SLC7A8: variants seen among roughly 807,000 people sequenced by gnomAD.
The protein encoded by SLC7A8 is large neutral amino acids transporter small subunit 2.
Under a neutral mutation model 51.2 loss-of-function variants are expected in SLC7A8, and 30 were observed. The ratio of observed to expected loss-of-function variants is 0.59; its 90% confidence interval spans 0.44 to 0.80. SLC7A8 has a LOEUF of 0.80. Ranked by LOEUF, SLC7A8 falls within the 30% of genes least tolerant of loss-of-function variation. SLC7A8 has a pLI of 0.00. For missense variants in SLC7A8, 612 were observed against 674.4 expected, an observed-to-expected ratio of 0.91 and a Z score of 1.03; for synonymous variants, 257 against 275.8, an observed-to-expected ratio of 0.93 and a Z score of 0.67.
chr14:23,138,287 G>A (rs2048710092), intron 6 of SLC7A8: 4 of 422,180 alleles, frequency 9.5e-6, no homozygotes, highest in Non-Finnish European at 1.7e-5. Flanking sequence ...TGTTTTATGG[G>A]TGAGGAACTG....
At chr14:23,162,272 G>C (rs2048928174) in intron 3 of SLC7A8, among the ~76,000 whole-genome samples, 1 of 152,184 alleles carries the variant, frequency 6.6e-6, no homozygotes, top group Non-Finnish European at 1.5e-5. Context: ...AAGGGACACT[G>C]CAGCGGGACA....
intron 3 of SLC7A8, among the ~76,000 whole-genome samples, chr14:23,154,883 C>T (rs1449391466): frequency 6.7e-6 from 1 of 150,272 alleles, no homozygotes; most frequent in African/African-American, 2.5e-5. Flanking sequence ...AGTCCTTCCG[C>T]ACCTGGATTA....
chr14:23,176,120 C>T (rs2048997880), intron 1 of SLC7A8, among the ~76,000 whole-genome samples: 1 of 152,204 alleles, frequency 6.6e-6, no homozygotes, highest in Non-Finnish European at 1.5e-5. Flanking sequence ...CTCCCTCCCT[C>T]TGGTCAACAT....
chr14:23,154,392 C>A, intron 3 of SLC7A8: 1 of 997,418 alleles, frequency 1.0e-6, no homozygotes. Flanking sequence ...GGTGCCCAGG[C>A]TGGAGGTTGG....
At chr14:23,174,943 A>G (rs1159369735) in intron 1 of SLC7A8, among the ~76,000 whole-genome samples, 1 of 152,128 alleles carries the variant, frequency 6.6e-6, no homozygotes. Context: ...GATCATTTGC[A>G]TGTGCCTGCT....
intron 7 of SLC7A8, among the ~76,000 whole-genome samples, chr14:23,132,675 G>A (rs1233329432): frequency 7.4e-6 from 1 of 134,808 alleles, no homozygotes; most frequent in Admixed American, 7.6e-5. Flanking sequence ...CACTCTTGTT[G>A]CCCAGGCTGG....
chr14:23,155,783 A>G (rs950002888), intron 3 of SLC7A8, among the ~76,000 whole-genome samples: 4 of 151,770 alleles, frequency 2.6e-5, no homozygotes, highest in Admixed American at 6.6e-5. Context: ...CAGGAGGGCT[A>G]GCCTGACCCT....
intron 1 of SLC7A8, among the ~76,000 whole-genome samples, chr14:23,176,743 A>T (rs1021549329): frequency 1.3e-5 from 2 of 152,076 alleles, no homozygotes; most frequent in African/African-American, 4.8e-5. Flanking sequence ...GGAGTTCGAG[A>T]CTAGCCTGGC....
At chr14:23,182,424 C>A (rs567224323) in intron 1 of SLC7A8, among the ~76,000 whole-genome samples, 23 of 152,306 alleles carry the variant, frequency 1.5e-4, no homozygotes, top group Admixed American at 3.3e-4. Flanking sequence ...GTCCCTCAGT[C>A]CCTCCTTAAA....
chr14:23,178,881 T>A lies in SLC7A8; in HGVS notation c.151+3883A>T, dbSNP rs995978963. Among the ~76,000 whole-genome samples the A allele has an allele frequency of 2.5e-5, 3 of 118,874 alleles. No homozygotes were observed. The Admixed American group carries it at 2.7e-4, about 11-fold the overall frequency. The allele number at this position is 118,874 out of a possible 152,430, so 78.0% of individuals were successfully genotyped here. On this transcript the variant is annotated intron_variant, in intron 1 of 10. Coordinates refer to ENST00000316902, the MANE Select transcript of SLC7A8 (RefSeq NM_012244.4). Reference sequence around the variant, plus strand: ...GCCTGGTTAACAGAGTGAGATCTTGTCTCCAAAAAAAAAAAAAAAAAAAAA... The same window carrying A: ...GCCTGGTTAACAGAGTGAGATCTTGACTCCAAAAAAAAAAAAAAAAAAAAA...
In SLC7A8 at chr14:23,182,985, G is replaced by A; in HGVS notation, c.-71C>T. On this transcript the variant is annotated 5_prime_UTR_variant, in exon 1 of 11. Coordinates refer to ENST00000316902, the MANE Select transcript of SLC7A8 (RefSeq NM_012244.4). Reference sequence around the variant, plus strand: ...ATGCGTATTCGTGTAAATATATTGGGAGAGAGCTTTGAATTAGAACGTCCT... The same window carrying A: ...ATGCGTATTCGTGTAAATATATTGGAAGAGAGCTTTGAATTAGAACGTCCT... The A allele has an allele frequency of 6.3e-7, 1 of 1,598,126 alleles. No homozygotes were observed. Among genetic ancestry groups the A allele is most frequent in the Non-Finnish European group, 8.6e-7 (1 of 1,168,246 alleles).
intron 1 of SLC7A8, among the ~76,000 whole-genome samples, chr14:23,171,814 C>T (rs769354762): frequency 6.6e-6 from 1 of 152,210 alleles, no homozygotes; most frequent in Non-Finnish European, 1.5e-5. Context: ...CACCATGCCT[C>T]TCACCCTGTT....
At chr14:23,138,136 C>T (rs2048708443) in intron 6 of SLC7A8, 112 bp from the exon 7 acceptor site, 4 of 1,334,258 alleles carry the variant, frequency 3.0e-6, no homozygotes, top group Middle Eastern at 3.7e-4. Flanking sequence ...TGCTAATTCT[C>T]TCTCGCCAAG....
chr14:23,166,641 A>G, intron 1 of SLC7A8, 101 bp from the exon 2 acceptor site: 1 of 1,187,706 alleles, frequency 8.4e-7, no homozygotes. Context: ...TGATTCTGAA[A>G]TGCCTTGGAT....
intron 1 of SLC7A8, among the ~76,000 whole-genome samples, chr14:23,169,366 A>G (rs2048965025): frequency 6.6e-6 from 1 of 152,190 alleles, no homozygotes; most frequent in East Asian, 1.9e-4. Flanking sequence ...AAATAAATAA[A>G]TAAATAAAAT....
In SLC7A8 at chr14:23,127,218, G is replaced by C. The variant is rs781531755; in HGVS notation, c.1567C>G (p.Pro523Ala). 6.2e-7 allele frequency: 1 copy of C among 1,614,120 alleles called. No homozygotes were observed. The highest frequency in any genetic ancestry group is 8.5e-7 in the Non-Finnish European group (1 of 1,179,990). The change falls in exon 11 of 11, where the codon CCC (proline) becomes GCC (alanine). Residue 523 changes from proline (P) to alanine (A), a missense_variant. Physicochemically the swap from Pro to Ala is conservative, Grantham distance 27. Transcript: ENST00000316902. ...CCCGCCACGTCCTTGTCCTTCGTGG[G>C]AGTGGGTTGGTACATGGGCTGCTGC... Reference protein sequence around the residue: ...EQQQPMYQPTPTKDKDVAGQP... With the variant: ...EQQQPMYQPTATKDKDVAGQP...
At chr14:23,155,595 A>G in intron 3 of SLC7A8, 1 of 840,740 alleles carries the variant, frequency 1.2e-6, no homozygotes, top group Non-Finnish European at 1.6e-6. Flanking sequence ...ACTGGACACC[A>G]AGAAATCCAG....
intron 3 of SLC7A8, among the ~76,000 whole-genome samples, chr14:23,146,495 T>C (rs1265419445): frequency 6.6e-6 from 1 of 152,220 alleles, no homozygotes; most frequent in Non-Finnish European, 1.5e-5. Flanking sequence ...AGCTCTGTGG[T>C]CTTCCTGGGG....
intron 1 of SLC7A8, among the ~76,000 whole-genome samples, chr14:23,176,149 A>T (rs1220238730): frequency 6.6e-6 from 1 of 152,226 alleles, no homozygotes; most frequent in East Asian, 1.9e-4. Context: ...CATTTTTGGG[A>T]TTAGAAGCTA....
Sources: allele counts gnomAD v4.1 joint callset (sites outside exome capture counted in the v4.1 genomes callset), GRCh38; gene constraint gnomAD v4.1.1; transcripts MANE v1.5; gene names NCBI Gene and HGNC (gene_info 2026-07-23, HGNC 2026-07-21).